Variants in FGF14 observed in about 807,000 individuals in gnomAD.
FGF14 encodes fibroblast growth factor homologous factor 4.
FGF14 carries 5 observed loss-of-function variants against 25.5 expected under a neutral mutation model. The observed-to-expected ratio is 0.20, with a 90% confidence interval of 0.10 to 0.41. The LOEUF is 0.41. FGF14 is among the 10% of genes least tolerant of loss of function. FGF14 has a pLI of 1.00. For missense variants in FGF14, 222 were observed against 320.1 expected (o/e 0.69, Z 2.34); for synonymous variants, 138 against 118.3 (o/e 1.17, Z -1.08).
chr13:101,830,268 C>A (rs913473996), intron 3 of FGF14, among the ~76,000 whole-genome samples: 1 of 151,904 alleles, frequency 6.6e-6, no homozygotes, highest in Non-Finnish European at 1.5e-5. Flanking sequence ...TACAGTTATC[C>A]TGGGCCTGGG....
At chr13:101,924,981 G>T (rs189611714) in intron 1 of FGF14, among the ~76,000 whole-genome samples, 2 of 152,268 alleles carry the variant, frequency 1.3e-5, no homozygotes, top group Non-Finnish European at 2.9e-5. Flanking sequence ...AAAAAAAGGT[G>T]TGCATGTGCA....
At chr13:101,751,928 A>AAAAC (rs1323085123) in intron 3 of FGF14, among the ~76,000 whole-genome samples, 2 of 152,112 alleles carry the variant, frequency 1.3e-5, no homozygotes, top group African/African-American at 4.8e-5. Context: ...AAACAAAACA[A>AAAAC]AAACAAACAA....
chr13:102,113,630 G>A (rs1400898869), intron 1 of FGF14, among the ~76,000 whole-genome samples: 2 of 152,136 alleles, frequency 1.3e-5, no homozygotes, highest in Admixed American at 1.3e-4. Flanking sequence ...AGACCCACCA[G>A]TTCCAAATCT....
chr13:102,134,709 T>G (rs1052460629), intron 1 of FGF14, among the ~76,000 whole-genome samples: 1 of 152,176 alleles, frequency 6.6e-6, no homozygotes, highest in African/African-American at 2.4e-5. Flanking sequence ...TAGTGACTGA[T>G]ATGGCATCTG....
intron 3 of FGF14, among the ~76,000 whole-genome samples, chr13:101,774,689 C>G (rs2038985721): frequency 1.3e-5 from 2 of 152,020 alleles, no homozygotes; most frequent in Admixed American, 6.6e-5. Context: ...ATTTCAAGGT[C>G]ATATTCAGCT....
At chr13:102,122,099 A>T (rs1310031314) in intron 1 of FGF14, among the ~76,000 whole-genome samples, 1 of 152,218 alleles carries the variant, frequency 6.6e-6, no homozygotes, top group Non-Finnish European at 1.5e-5. Context: ...CCTGGGATGT[A>T]TTTGCAATTA....
Position 102,036,703 on chromosome 13 carries a change from G to C in FGF14, c.209-161407C>G, listed in dbSNP as rs180910753. Among the ~76,000 whole-genome samples the C allele has an allele frequency of 3.3e-3, 506 of 151,958 alleles. 3 individuals are homozygous for C. The highest frequency in any genetic ancestry group is 0.011 in the African/African-American group (460 of 41,442). ...AGGAGAAGGAGGAGGATGAGGAGGA[G>C]GACGAAGAAGAAAAAGAAGAACAAC... is the stretch of plus-strand genomic sequence containing the variant. On this transcript the variant is annotated intron_variant, in intron 1 of 4. Transcript: ENST00000376131.
intron 1 of FGF14, among the ~76,000 whole-genome samples, chr13:101,964,757 A>AT (rs11391018): frequency 0.19 from 29,166 of 151,418 alleles, 3,128 homozygotes; most frequent in Admixed American, 0.33. Context: ...TTCTACTTTC[A>AT]TTTTTTTTCT....
At chr13:102,335,685 T>C (rs1040976520) in intron 1 of FGF14, among the ~76,000 whole-genome samples, 1 of 152,184 alleles carries the variant, frequency 6.6e-6, no homozygotes, top group Non-Finnish European at 1.5e-5. Context: ...TGTGCCTCTC[T>C]TTAATGCGCT....
At chr13:102,122,643 T>G (rs1044919524) in intron 1 of FGF14, among the ~76,000 whole-genome samples, 1 of 152,214 alleles carries the variant, frequency 6.6e-6, no homozygotes, top group Non-Finnish European at 1.5e-5. Flanking sequence ...CATTTTGATT[T>G]TAATAGAACT....
At chr13:101,984,738 T>C (rs2038466659) in intron 1 of FGF14, among the ~76,000 whole-genome samples, 1 of 152,140 alleles carries the variant, frequency 6.6e-6, no homozygotes, top group African/African-American at 2.4e-5. Context: ...ATACATGAAG[T>C]GAAAAACAAA....
intron 1 of FGF14, among the ~76,000 whole-genome samples, chr13:102,140,043 A>AC (rs35520744): frequency 0.063 from 5,198 of 82,312 alleles, 317 homozygotes; most frequent in African/African-American, 0.081. Context: ...ACTCTTCAAG[A>AC]CCCCCCCCCC....
At chr13:102,389,809 A>G (rs1432889000) in intron 1 of FGF14, among the ~76,000 whole-genome samples, 1 of 152,176 alleles carries the variant, frequency 6.6e-6, no homozygotes, top group Non-Finnish European at 1.5e-5. Context: ...TGGGACATAC[A>G]GGGAACTGAC....
intron 3 of FGF14, among the ~76,000 whole-genome samples, chr13:101,744,713 G>T (rs1200276061): frequency 1.3e-5 from 2 of 152,028 alleles, no homozygotes; most frequent in Admixed American, 6.6e-5. Context: ...ATACTTGTAA[G>T]ATCTAGAGCT....
intron 3 of FGF14, among the ~76,000 whole-genome samples, chr13:101,813,245 T>C (rs1441288713): frequency 6.6e-6 from 1 of 152,172 alleles, no homozygotes; most frequent in Non-Finnish European, 1.5e-5. Flanking sequence ...CTCACTGCTA[T>C]GGTCTGAGTG....
At position 102,400,352 on chromosome 13, in the gene FGF14, C is replaced by T. The variant is rs578219999; in HGVS notation, c.208+1119G>A. 2.6e-5 allele frequency among the ~76,000 whole-genome samples: 4 copies of T among 152,324 alleles called. No homozygotes were observed. The South Asian group carries it at 8.3e-4, about 32-fold the overall frequency. ...TGCCCGCTCCCTCCTTCAGACACAA[C>T]CCCAGACAAAAACAGCCGGCCCCGG... On this transcript the variant is annotated intron_variant, in intron 1 of 4. Transcript: ENST00000376131. The surrounding 1 kb of genome is among the most constrained non-coding windows in gnomAD (Gnocchi z 4.3).
intron 1 of FGF14, among the ~76,000 whole-genome samples, chr13:102,352,290 C>CT (rs2057306236): frequency 1.4e-5 from 2 of 140,820 alleles, no homozygotes; most frequent in East Asian, 2.1e-4. Context: ...CACACACACA[C>CT]CTGCAACATT....
At chr13:101,745,168 C>A (rs546228720) in intron 3 of FGF14, among the ~76,000 whole-genome samples, 1 of 152,074 alleles carries the variant, frequency 6.6e-6, no homozygotes, top group South Asian at 2.1e-4. Flanking sequence ...ACTTATTCTG[C>A]GAGTGCTTTA....
intron 3 of FGF14, among the ~76,000 whole-genome samples, chr13:101,858,245 G>A (rs1001217857): frequency 5.3e-5 from 8 of 149,850 alleles, no homozygotes; most frequent in African/African-American, 2.0e-4. Flanking sequence ...AAAAAAAAAG[G>A]AAAATAACTC....
Sources: allele counts gnomAD v4.1 joint callset (sites outside exome capture counted in the v4.1 genomes callset), GRCh38; gene constraint gnomAD v4.1.1; non-coding constraint Gnocchi (gnomAD v3.1); transcripts MANE v1.5; gene names NCBI Gene and HGNC (gene_info 2026-07-23, HGNC 2026-07-21).